The following FLII variants were observed in gnomAD, a reference collection of about 807,000 sequenced individuals.
FLII encodes the protein protein flightless-1 homolog.
Under a neutral mutation model 156.2 loss-of-function variants are expected in FLII, and 101 were observed. The ratio of observed to expected loss-of-function variants is 0.65; its 90% CI spans 0.55 to 0.76. The LOEUF (loss-of-function observed/expected upper bound fraction) is 0.76, where lower values mean the gene tolerates loss of function less well. FLII is among the 30% of genes least tolerant of loss of function. The pLI is 0.00. For synonymous variants in FLII, 767 were observed against 685.8 expected (o/e 1.12, Z -1.85); for missense variants, 1,675 against 1,682.8 (o/e 1.00, Z 0.08).
chr17:18,247,092 G>A lies in FLII; in HGVS notation c.2677-40C>T, dbSNP rs377472918. 3.1e-6 allele frequency: 5 copies of A among 1,597,160 alleles called. No individual in the cohort carries two copies. The African/African-American group carries it at 5.4e-5, about 17-fold the overall frequency. ...GACCCGCCCCGCGGCAGGTCTGAGC[G>A]CGCTCTGCGCATAGGCCCCGCCCTC... is the stretch of plus-strand genomic sequence containing the variant. On this transcript the variant is annotated intron_variant, in intron 21 of 29. Coordinates refer to ENST00000327031, the MANE Select transcript of FLII (RefSeq NM_002018.4).
At chr17:18,248,443 C>T (rs2048156486) in intron 18 of FLII, 107 bp downstream of exon 18, 6 of 1,095,798 alleles carry the variant, frequency 5.5e-6, no homozygotes, top group East Asian at 4.9e-5. Context: ...CCTCTCCCCA[C>T]CAAAGTCGAG....
intron 14 of FLII, among the ~76,000 whole-genome samples, chr17:18,250,548 T>C (rs1316000793): frequency 1.3e-5 from 2 of 152,168 alleles, no homozygotes; most frequent in Non-Finnish European, 2.9e-5. Context: ...TCAGCTCCCC[T>C]GTGTCAGCCC....
intron 7 of FLII, 98 bp downstream of exon 7, chr17:18,253,981 G>T: frequency 8.9e-6 from 8 of 903,372 alleles, no homozygotes; most frequent in Non-Finnish European, 1.3e-5. Context: ...TTCCCTCTGG[G>T]TATTGGTCCG....
rs1318590652 is a variant in FLII at position 18,256,994 on chromosome 17, T to G, written c.89A>C (p.Lys30Thr). The G allele has an allele frequency of 2.5e-6, 4 of 1,610,594 alleles. No homozygotes were observed. ...FKGGYFPENV[K>T]AMTSLRWLKL... ...CAGCCACCGCAGGCTGGTCATGGCC[T>G]TGACATTCTCAGGGAAGTAGCCGCC... Residue 30 changes from lysine to threonine, a missense_variant, in exon 2 of 30, where the codon AAG becomes ACG. Lys to Thr is a moderately conservative substitution (Grantham distance 78). Transcript: ENST00000327031.
In FLII at chr17:18,258,236, C is replaced by A. The variant is rs943621979; in HGVS notation, c.63+392G>T. On this transcript the variant is annotated intron_variant, in intron 1 of 29. Transcript: ENST00000327031. The surrounding 1 kb of genome is among the most constrained non-coding windows in gnomAD (Gnocchi z 4.2). ...GGCAGTGATGAGTCGGCTCCACACC[C>A]GCCCCTGGGCAGCCGGGCAGCCATC... Among the ~76,000 whole-genome samples, 7 of 152,236 alleles carry A rather than the reference C, an allele frequency of 4.6e-5. No individual in the cohort carries two copies. The highest frequency in any genetic ancestry group is 1.4e-4 in the African/African-American group (6 of 41,470).
intron 3 of FLII, 152 bp downstream of exon 3, chr17:18,256,374 T>C (rs961020188): frequency 4.1e-5 from 26 of 635,554 alleles, no homozygotes; most frequent in Non-Finnish European, 6.5e-5. Flanking sequence ...TAACCTCTAA[T>C]GAGAGGGCCC....
chr17:18,256,758 C>T (rs2048430693), intron 2 of FLII, 151 bp downstream of exon 2: 1 of 781,876 alleles, frequency 1.3e-6, no homozygotes, highest in Non-Finnish European at 2.1e-6. Flanking sequence ...TCTTGCACAC[C>T]TCCCTGGACA....
chr17:18,246,542 C>T (rs1227092473), intron 23 of FLII, 52 bp downstream of exon 23: 2 of 1,610,878 alleles, frequency 1.2e-6, no homozygotes, highest in African/African-American at 1.3e-5. Flanking sequence ...TGGGTCTGAG[C>T]CCCACCACAC....
chr17:18,255,162 G>A, intron 4 of FLII, 21 bp downstream of exon 4: 2 of 1,587,492 alleles, frequency 1.3e-6, no homozygotes, highest in Non-Finnish European at 1.7e-6. Flanking sequence ...ACAGGGGCCA[G>A]GTGAGTGGGT....
At chr17:18,251,645 G>C in intron 12 of FLII, 35 bp downstream of exon 12, 1 of 1,613,322 alleles carries the variant, frequency 6.2e-7, no homozygotes, top group Non-Finnish European at 8.5e-7. Flanking sequence ...AGAAGCTAAG[G>C]CTCCCTGCCT....
chr17:18,248,591 C>G lies in FLII; in HGVS notation c.2149G>C (p.Val717Leu). 6.2e-7 allele frequency: 1 copy of G among 1,613,362 alleles called. No individual in the cohort carries two copies. Among genetic ancestry groups the G allele is most frequent in the Non-Finnish European group, 8.5e-7 (1 of 1,179,880 alleles). ...GGEPSEIKKH[V>L]PEDFWPPQPK... is the part of the protein sequence containing the mutation. ...TGCGGCGGCCAGAAGTCTTCAGGCA[C>G]GTGCTTCTTGATCTCAGAGGGCTCC... Residue 717 changes from valine (V) to leucine (L), a missense_variant, in exon 18 of 30, where the codon GTG becomes CTG. By Grantham distance (32) the Val-to-Leu change is conservative. This residue lies in a region of FLII where 1,332 missense variants were observed against 1,269.3 expected (regional missense o/e 1.05). Coordinates refer to ENST00000327031, the MANE Select transcript of FLII (RefSeq NM_002018.4).
In FLII at chr17:18,253,646, G is replaced by A. The variant is rs1204788213; in HGVS notation, c.753C>T (p.Leu251=). ...CLYTLPSLRR[L]NLSSNQITEL... is the part of the protein sequence containing the mutation. ...CCGTGATCTGGTTGCTGCTGAGGTTGAGGCGGCGCAGGCTGGGGAGGGTGT... is the reference window on the plus strand; with the variant it reads ...CCGTGATCTGGTTGCTGCTGAGGTTAAGGCGGCGCAGGCTGGGGAGGGTGT... The change falls in exon 8 of 30, where the codon CTC becomes CTT. Residue 251 remains leucine, a synonymous_variant. Coordinates refer to ENST00000327031, the MANE Select transcript of FLII (RefSeq NM_002018.4). 5 of 1,613,924 alleles carry A rather than the reference G, an allele frequency of 3.1e-6. No individual in the cohort carries two copies. The Admixed American group carries it at 8.3e-5, about 27-fold the overall frequency.
Position 18,245,832 on chromosome 17 carries a change from C to T in FLII, c.3415G>A (p.Glu1139Lys). 2 of 1,614,032 alleles carry T rather than the reference C, an allele frequency of 1.2e-6. No individual in the cohort carries two copies. The highest frequency in any genetic ancestry group is 8.5e-7 in the Non-Finnish European group (1 of 1,179,988). ...YSKQVINEGE[E>K]PENFFWVGIG... ...CCCACCCAGAAGAAGTTCTCAGGCT[C>T]CTCACCTTCGTTGATAACCTGCGGG... Residue 1139 changes from glutamate (E) to lysine (K), a missense_variant, in exon 27 of 30, where the codon GAG becomes AAG. This residue lies in a region of FLII where 1,332 missense variants were observed against 1,269.3 expected (regional missense o/e 1.05). Transcript: ENST00000327031.
intron 4 of FLII, 28 bp downstream of exon 4, chr17:18,255,155 G>A: frequency 6.4e-7 from 1 of 1,554,380 alleles, no homozygotes; most frequent in Non-Finnish European, 8.9e-7. Context: ...GGCTAGCACA[G>A]GGGCCAGGTG....
Position 18,245,292 on chromosome 17 carries a change from C to A in FLII, c.3676-20G>T. On this transcript the variant is annotated intron_variant, in intron 29 of 29. Coordinates refer to ENST00000327031, the MANE Select transcript of FLII (RefSeq NM_002018.4). ...ATATACCTGGCAAGGGGACAGCGAG[C>A]CTTGGGTGATGACCCTGCCCTGCCC... The A allele has an allele frequency of 6.2e-7, 1 of 1,612,786 alleles. No homozygotes were observed. Among genetic ancestry groups the A allele is most frequent in the Non-Finnish European group, 8.5e-7 (1 of 1,178,904 alleles).
At position 18,248,921 on chromosome 17, in the gene FLII, A is replaced by G. The variant is rs769873022; in HGVS notation, c.1935-38T>C. On this transcript the variant is annotated intron_variant, in intron 16 of 29. Coordinates refer to ENST00000327031, the MANE Select transcript of FLII (RefSeq NM_002018.4). ...GGGCAGGAAGGAGCTGTGATGGTGCATGGGGCAATGGTCACCCCATGCTCC... is the reference window on the plus strand; with the variant it reads ...GGGCAGGAAGGAGCTGTGATGGTGCGTGGGGCAATGGTCACCCCATGCTCC... The G allele has an allele frequency of 3.9e-6, 6 of 1,546,944 alleles. No homozygotes were observed. The African/African-American group carries it at 5.4e-5, about 14-fold the overall frequency.
At chr17:18,255,399 A>G in intron 3 of FLII, 136 bp from the exon 4 acceptor site, 1 of 681,030 alleles carries the variant, frequency 1.5e-6, no homozygotes. Context: ...CCTTTGATCA[A>G]ATAGCTCCCT....
chr17:18,256,773 GC>G (rs2048431310), intron 2 of FLII, 135 bp downstream of exon 2: 1 of 772,788 alleles, frequency 1.3e-6, no homozygotes, highest in Admixed American at 2.2e-5. Context: ...TGGACAGGGT[GC>G]CCACTCCCTT....
In FLII at chr17:18,246,044, C is replaced by CCTCA. The variant is rs2048037324; in HGVS notation, c.3282_3285dup (p.Asp1096Ter). 1 of 1,614,032 alleles carries CCTCA rather than the reference C, an allele frequency of 6.2e-7. No homozygotes were observed. Among genetic ancestry groups the CCTCA allele is most frequent in the Non-Finnish European group, 8.5e-7 (1 of 1,180,038 alleles). On this transcript the variant is annotated stop_gained and frameshift_variant, in exon 26 of 30. Coordinates refer to ENST00000327031, the MANE Select transcript of FLII (RefSeq NM_002018.4). LOFTEE classifies it high-confidence loss of function. ...CAGGCATACACGATGCCCTGGTTGT[C>CCTCA]CTCACTCTCAAAGGGAACCTGGGGA...
Sources: gnomAD v4.1 joint callset for allele counts (sites outside exome capture counted in the v4.1 genomes callset) on GRCh38, gnomAD v4.1.1 for gene constraint, gnomAD v4.1.1 regional missense constraint, Gnocchi (gnomAD v3.1) non-coding constraint, MANE v1.5 for transcripts, NCBI Gene and HGNC (gene_info 2026-07-23, HGNC 2026-07-21) for gene names.